The following LSAMP variants were observed in gnomAD, a reference collection of about 807,000 sequenced individuals.
LSAMP encodes the protein limbic system associated membrane protein, also known as limbic system-associated membrane protein.
In LSAMP, 7 loss-of-function variants were observed where a neutral mutation model predicts 38.6. That is an observed-to-expected ratio of 0.18 (90% confidence interval 0.10 to 0.34). The LOEUF (loss-of-function observed/expected upper bound fraction) is 0.34. Among genes scored for constraint, LSAMP ranks in the 10% least tolerant of loss-of-function variants. LSAMP has a pLI of 1.00. For synonymous variants in LSAMP, 154 were observed against 166.8 expected, an observed-to-expected ratio of 0.92 and a Z score of 0.59; for missense variants, 313 against 420.0, an observed-to-expected ratio of 0.75 and a Z score of 2.23.
chr3:116,021,880 C>A (rs1244283164), intron 2 of LSAMP, among the ~76,000 whole-genome samples: 3 of 151,794 alleles, frequency 2.0e-5, no homozygotes, highest in African/African-American at 7.3e-5. Context: ...CCAGTTAAGC[C>A]ACTTGTTCAA....
intron 1 of LSAMP, among the ~76,000 whole-genome samples, chr3:116,416,890 G>A (rs185124890): frequency 1.3e-4 from 20 of 152,148 alleles, no homozygotes; most frequent in African/African-American, 4.1e-4. Flanking sequence ...AATAAAAGAC[G>A]AGAGAAGGAA....
At chr3:116,406,225 G>T (rs2048895402) in intron 1 of LSAMP, among the ~76,000 whole-genome samples, 1 of 152,048 alleles carries the variant, frequency 6.6e-6, no homozygotes, top group South Asian at 2.1e-4. Context: ...GCATGAAGCA[G>T]TACAGGCCAC....
intron 2 of LSAMP, among the ~76,000 whole-genome samples, chr3:116,061,406 G>A (rs979248897): frequency 2.0e-5 from 3 of 146,788 alleles, no homozygotes; most frequent in African/African-American, 5.4e-5. Context: ...TGTCATGGCC[G>A]GGCCTTAATT....
intron 1 of LSAMP, among the ~76,000 whole-genome samples, chr3:116,278,225 T>A (rs1462511488): frequency 1.3e-5 from 2 of 152,168 alleles, no homozygotes; most frequent in African/African-American, 4.8e-5. Flanking sequence ...GAAGCTGAAA[T>A]AAGCTTTTCC....
intron 6 of LSAMP, among the ~76,000 whole-genome samples, chr3:115,816,905 G>A (rs1310920287): frequency 6.6e-6 from 1 of 152,186 alleles, no homozygotes; most frequent in Admixed American, 6.5e-5. Context: ...TACATTGTAT[G>A]CATGTAGACA....
At chr3:116,097,540 T>C (rs968178826) in intron 1 of LSAMP, among the ~76,000 whole-genome samples, 2 of 152,216 alleles carry the variant, frequency 1.3e-5, no homozygotes, top group African/African-American at 4.8e-5. Context: ...TGACAATTAA[T>C]AGATACAACA....
chr3:116,146,474 T>G (rs927421372), intron 1 of LSAMP, among the ~76,000 whole-genome samples: 1 of 151,942 alleles, frequency 6.6e-6, no homozygotes, highest in Non-Finnish European at 1.5e-5. Flanking sequence ...AGATTTTAGT[T>G]GACAAAAAGC....
intron 1 of LSAMP, among the ~76,000 whole-genome samples, chr3:116,157,024 G>A (rs750535266): frequency 2.6e-5 from 4 of 152,036 alleles, no homozygotes; most frequent in Non-Finnish European, 5.9e-5. Flanking sequence ...GGTTATATGC[G>A]GAGCACTGGA....
At chr3:115,964,724 G>A (rs373545885) in intron 3 of LSAMP, among the ~76,000 whole-genome samples, 4 of 152,136 alleles carry the variant, frequency 2.6e-5, no homozygotes, top group Admixed American at 6.5e-5. Flanking sequence ...AAAATCAAAC[G>A]CATTTCTAGA....
chr3:116,354,489 A>G (rs2048192738), intron 1 of LSAMP, among the ~76,000 whole-genome samples: 2 of 152,312 alleles, frequency 1.3e-5, no homozygotes, highest in Admixed American at 6.5e-5. Flanking sequence ...TTGCAGAATC[A>G]TAGTCCCAGT....
intron 1 of LSAMP, among the ~76,000 whole-genome samples, chr3:116,217,679 G>T (rs562816612): frequency 5.9e-5 from 9 of 152,276 alleles, no homozygotes; most frequent in South Asian, 2.1e-4. Flanking sequence ...TCACACAAAG[G>T]TTCTATGGAG....
chr3:115,864,338 A>C (rs1374800310), intron 3 of LSAMP, among the ~76,000 whole-genome samples: 3 of 152,180 alleles, frequency 2.0e-5, no homozygotes, highest in Non-Finnish European at 4.4e-5. Flanking sequence ...AGTTGAGCTA[A>C]ATTATAAACT....
intron 2 of LSAMP, among the ~76,000 whole-genome samples, chr3:116,076,994 CACA>C (rs1382524325): frequency 6.6e-6 from 1 of 151,674 alleles, no homozygotes; most frequent in Non-Finnish European, 1.5e-5. Flanking sequence ...CAGATAAATG[CACA>C]AGTTACCAAA....
At chr3:116,428,072 G>A (rs1354586537) in intron 1 of LSAMP, among the ~76,000 whole-genome samples, 1 of 151,802 alleles carries the variant, frequency 6.6e-6, no homozygotes, top group Non-Finnish European at 1.5e-5. Flanking sequence ...TTCCATTTAC[G>A]CTCTACTTTA....
chr3:116,303,806 A>ATCTT (rs2047446799), intron 1 of LSAMP, among the ~76,000 whole-genome samples: 2 of 152,204 alleles, frequency 1.3e-5, no homozygotes, highest in South Asian at 4.1e-4. Flanking sequence ...CAGAACAATC[A>ATCTT]TCTTTTACAT....
rs554599560 is a variant in LSAMP, at chr3:115,925,472, A to G, written c.515-72855T>C. ...TGAGGCAGTTAAATGATGGGCCTCC[A>G]TTTGCAATTTTGCTCCAAGATTCAC... On this transcript the variant is annotated intron_variant, in intron 3 of 6. Transcript: ENST00000490035. Among the ~76,000 whole-genome samples the G allele has an allele frequency of 3.9e-5, 6 of 152,288 alleles. 1 individual carries two copies. Among genetic ancestry groups the G allele is most frequent in the African/African-American group, 1.2e-4 (5 of 41,566 alleles).
At chr3:116,017,228 T>A (rs1330013161) in intron 3 of LSAMP, among the ~76,000 whole-genome samples, 1 of 152,124 alleles carries the variant, frequency 6.6e-6, no homozygotes, top group East Asian at 1.9e-4. Context: ...AAGGAATCTA[T>A]CTTTAAGTTC....
chr3:116,074,010 C>T (rs1001811720), intron 2 of LSAMP, among the ~76,000 whole-genome samples: 5 of 152,322 alleles, frequency 3.3e-5, no homozygotes, highest in African/African-American at 1.2e-4. Context: ...CCACCAACAA[C>T]GTGGCCCTGG....
chr3:115,906,775 T>C (rs1297457906), intron 3 of LSAMP, among the ~76,000 whole-genome samples: 1 of 152,170 alleles, frequency 6.6e-6, no homozygotes, highest in Admixed American at 6.5e-5. Context: ...TTTTAAGACA[T>C]ACTTTGCTAA....
Sources: allele counts gnomAD v4.1 joint callset (sites outside exome capture counted in the v4.1 genomes callset), GRCh38; gene constraint gnomAD v4.1.1; transcripts MANE v1.5; gene names NCBI Gene and HGNC (gene_info 2026-07-23, HGNC 2026-07-21).